The following STXBP5L variants were observed in gnomAD, a reference collection of about 807,000 sequenced individuals.
STXBP5L encodes the protein syntaxin-binding protein 5-like.
STXBP5L carries 65 observed loss-of-function variants against 144.5 expected under a neutral mutation model. That is an observed-to-expected ratio of 0.45 (90% CI 0.37 to 0.55). The LOEUF is 0.55. STXBP5L is among the 20% of genes least tolerant of loss of function. The probability of loss-of-function intolerance (pLI) is 0.00; values close to 1 mark genes in which losing one functional copy is unlikely to be tolerated. For missense variants in STXBP5L, 1,298 were observed against 1,405.5 expected, an observed-to-expected ratio of 0.92 and a Z score of 1.22; for synonymous variants, 505 against 469.6, an observed-to-expected ratio of 1.08 and a Z score of -0.97.
At chr3:120,961,742 A>C (rs191108759) in intron 3 of STXBP5L, among the ~76,000 whole-genome samples, 2 of 152,280 alleles carry the variant, frequency 1.3e-5, no homozygotes, top group African/African-American at 4.8e-5. Context: ...ATACGTGTGC[A>C]TGTGTCTTTA....
intron 10 of STXBP5L, among the ~76,000 whole-genome samples, chr3:121,210,018 C>T (rs542121225): frequency 2.7e-4 from 41 of 152,320 alleles, no homozygotes; most frequent in African/African-American, 9.6e-4. Flanking sequence ...CACTGTCTTC[C>T]ACAATGGTTG....
chr3:121,062,810 T>C (rs1002012128), intron 5 of STXBP5L, among the ~76,000 whole-genome samples: 2 of 152,236 alleles, frequency 1.3e-5, no homozygotes, highest in Non-Finnish European at 2.9e-5. Context: ...CTATTGATAC[T>C]TGTATATGCT....
chr3:121,149,358 C>A (rs2107973510), intron 7 of STXBP5L, among the ~76,000 whole-genome samples: 1 of 152,026 alleles, frequency 6.6e-6, no homozygotes, highest in East Asian at 1.9e-4. Flanking sequence ...CTCTCCCTCC[C>A]TCCCCAGAAT....
intron 3 of STXBP5L, 72 bp from the exon 4 acceptor site, chr3:121,041,628 T>G: frequency 1.8e-6 from 2 of 1,120,702 alleles, no homozygotes; most frequent in African/African-American, 1.5e-5. Flanking sequence ...TGTTGATCAA[T>G]AAGTTAGTTT....
At chr3:121,296,071 T>C (rs147602976) in intron 19 of STXBP5L, among the ~76,000 whole-genome samples, 9 of 152,314 alleles carry the variant, frequency 5.9e-5, no homozygotes, top group Non-Finnish European at 1.3e-4. Flanking sequence ...TACTCAATTG[T>C]TTATTTACCA....
chr3:121,387,019 C>T (rs2046443885), intron 22 of STXBP5L, among the ~76,000 whole-genome samples: 1 of 152,192 alleles, frequency 6.6e-6, no homozygotes, highest in Non-Finnish European at 1.5e-5. Flanking sequence ...ACACTCCCAC[C>T]AACAGTGTAA....
chr3:121,010,952 G>T (rs1364806932), intron 3 of STXBP5L, among the ~76,000 whole-genome samples: 2 of 151,232 alleles, frequency 1.3e-5, no homozygotes, highest in Non-Finnish European at 3.0e-5. Flanking sequence ...AACATAGTTT[G>T]AACTTGTGTT....
intron 19 of STXBP5L, among the ~76,000 whole-genome samples, chr3:121,315,199 A>G (rs1017565926): frequency 6.6e-6 from 1 of 152,168 alleles, no homozygotes; most frequent in Admixed American, 6.5e-5. Flanking sequence ...TGTTTACTGC[A>G]GCACTATTCA....
At position 121,279,828 on chromosome 3, in the gene STXBP5L, G is replaced by A. The variant is rs1347659695; in HGVS notation, c.1982G>A (p.Gly661Glu). 1.2e-6 allele frequency: 2 copies of A among 1,612,268 alleles called. No homozygotes were observed. Among genetic ancestry groups the A allele is most frequent in the Admixed American group, 1.7e-5 (1 of 59,874 alleles). ...YGIVAFGNCN[G>E]LAVVDFIQKT... ...AGAGTTGCATTTGGGAACTGCAATG[G>A]GTTGGCTGTGGTGGATTTTATACAG... The change falls in exon 19 of 27, where the codon GGG (glycine) becomes GAG (glutamate). Residue 661 changes from glycine (G) to glutamate (E), a missense_variant. Physicochemically the swap from Gly to Glu is moderately conservative, Grantham distance 98 (BLOSUM62 -2). Coordinates refer to ENST00000471454, the MANE Select transcript of STXBP5L (RefSeq NM_001308330.2).
intron 9 of STXBP5L, among the ~76,000 whole-genome samples, chr3:121,203,284 TCATTAA>T (rs753220738): frequency 1.3e-5 from 2 of 152,180 alleles, no homozygotes; most frequent in Non-Finnish European, 2.9e-5. Context: ...ATTTTGTACC[TCATTAA>T]CATTATTTCC....
At chr3:120,935,646 A>G (rs1354319700) in intron 2 of STXBP5L, among the ~76,000 whole-genome samples, 2 of 152,076 alleles carry the variant, frequency 1.3e-5, no homozygotes, top group African/African-American at 4.8e-5. Flanking sequence ...ACAGAATTCT[A>G]GGTTGGTGTG....
chr3:120,980,597 A>G (rs1170608927), intron 3 of STXBP5L, among the ~76,000 whole-genome samples: 2 of 151,706 alleles, frequency 1.3e-5, no homozygotes, highest in East Asian at 1.9e-4. Flanking sequence ...AAATATCTTT[A>G]TGAGTTAGGT....
At chr3:121,209,285 C>A (rs1348370097) in intron 10 of STXBP5L, among the ~76,000 whole-genome samples, 2 of 152,064 alleles carry the variant, frequency 1.3e-5, no homozygotes, top group East Asian at 3.9e-4. Context: ...GGATACATAA[C>A]CAGAAATGGG....
chr3:121,042,334 A>G (rs1947217700), intron 4 of STXBP5L, among the ~76,000 whole-genome samples: 1 of 152,170 alleles, frequency 6.6e-6, no homozygotes, highest in Non-Finnish European at 1.5e-5. Flanking sequence ...GAACTCTCTA[A>G]AAACAAAATA....
chr3:121,395,762 G>T (rs1183754823), intron 22 of STXBP5L, among the ~76,000 whole-genome samples: 1 of 152,230 alleles, frequency 6.6e-6, no homozygotes, highest in Non-Finnish European at 1.5e-5. Context: ...TACTCATTGT[G>T]AGTGGTTGTC....
At chr3:120,959,334 A>G (rs1938455458) in intron 3 of STXBP5L, among the ~76,000 whole-genome samples, 1 of 152,206 alleles carries the variant, frequency 6.6e-6, no homozygotes, top group Admixed American at 6.5e-5. Context: ...GCTCAAGGTA[A>G]TTTATAGATT....
At position 121,135,133 on chromosome 3, in the gene STXBP5L, G is replaced by A. The variant is rs2045187050; in HGVS notation, c.669+13429G>A. 2.0e-5 allele frequency among the ~76,000 whole-genome samples: 3 copies of A among 152,296 alleles called. No individual in the cohort carries two copies. In the South Asian group the frequency reaches 6.2e-4, roughly 32 times the overall value. On this transcript the variant is annotated intron_variant, in intron 7 of 26. Coordinates refer to ENST00000471454, the MANE Select transcript of STXBP5L (RefSeq NM_001308330.2). Reference sequence around the variant, plus strand: ...TGAGATGGTATCTCATTGTGGTTTTGATTTGCATTTCTCTGATGGCCAGTG... The same window carrying A: ...TGAGATGGTATCTCATTGTGGTTTTAATTTGCATTTCTCTGATGGCCAGTG...
intron 2 of STXBP5L, among the ~76,000 whole-genome samples, chr3:120,911,274 G>A (rs1708824120): frequency 6.6e-6 from 1 of 151,998 alleles, no homozygotes; most frequent in African/African-American, 2.4e-5. Flanking sequence ...AAGAGATAAT[G>A]GAATACATAG....
intron 20 of STXBP5L, among the ~76,000 whole-genome samples, chr3:121,329,587 C>A (rs1023251800): frequency 6.6e-6 from 1 of 152,122 alleles, no homozygotes; most frequent in South Asian, 2.1e-4. Flanking sequence ...AGGGGTGGGA[C>A]GGGTGGCCCA....
Sources: allele counts gnomAD v4.1 joint callset (sites outside exome capture counted in the v4.1 genomes callset), GRCh38; gene constraint gnomAD v4.1.1; transcripts MANE v1.5; gene names NCBI Gene and HGNC (gene_info 2026-07-23, HGNC 2026-07-21).